The following SLITRK6 variants were observed in gnomAD, a reference collection of about 807,000 sequenced individuals.
The protein encoded by SLITRK6 is SLIT and NTRK-like protein 6.
SLITRK6 carries 35 observed loss-of-function variants against 55.6 expected under a neutral mutation model. The ratio of observed to expected loss-of-function variants is 0.63; its 90% CI spans 0.48 to 0.83. The LOEUF is 0.83. Among genes scored for constraint, SLITRK6 ranks in the 40% least tolerant of loss-of-function variants. The pLI is 0.00. For synonymous variants in SLITRK6, 392 were observed against 359.6 expected, an observed-to-expected ratio of 1.09 and a Z score of -1.02; for missense variants, 977 against 986.4, an observed-to-expected ratio of 0.99 and a Z score of 0.13.
rs752502501 is a variant in SLITRK6 at position 85,796,381 on chromosome 13, G to A, written c.128C>T (p.Thr43Ile). The part of the protein sequence containing the change: ...SLCNCEEKDG[T>I]MLINCEAKGI... ...TTTTGCTTCACAATTTATTAGCATT[G>A]TGCCATCTTTTTCCTCACAATTGCA... Residue 43 changes from threonine (T) to isoleucine (I), a missense_variant, in exon 2 of 2, where the codon ACA becomes ATA. Physicochemically the swap from Thr to Ile is moderately conservative, Grantham distance 89 (BLOSUM62 -1). Transcript: ENST00000647374. The A allele has an allele frequency of 1.2e-6, 2 of 1,612,498 alleles. No individual in the cohort carries two copies. The highest frequency in any genetic ancestry group is 1.7e-6 in the Non-Finnish European group (2 of 1,179,208).
chr13:85,797,039 ATG>A (rs34645313), intron 1 of SLITRK6, among the ~76,000 whole-genome samples: 1,927 of 151,756 alleles, frequency 0.013, 18 homozygotes, highest in Admixed American at 0.023. Context: ...GCATATGTGT[ATG>A]TGTGTATGCA....
At chr13:85,796,694 T>C (rs1362755748) in intron 1 of SLITRK6, among the ~76,000 whole-genome samples, 162 bp from the exon 2 acceptor site, 1 of 151,622 alleles carries the variant, frequency 6.6e-6, no homozygotes, top group Non-Finnish European at 1.5e-5. Context: ...TTTCTTTTTT[T>C]TTTTTCCTAA....
Position 85,795,665 on chromosome 13 carries a change from A to C in SLITRK6, c.844T>G (p.Ser282Ala). The change falls in exon 2 of 2, where the codon TCA (serine) becomes GCA (alanine). Residue 282 changes from serine to alanine, a missense_variant. Ser to Ala is a moderately conservative substitution (Grantham distance 99). Coordinates refer to ENST00000647374, the MANE Select transcript of SLITRK6 (RefSeq NM_032229.3). Reference protein sequence around the residue: ...VYEEHEDPSGSLHLAATSSIN... With the variant: ...VYEEHEDPSGALHLAATSSIN... ...GAAGATGTTGCTGCCAGATGTAATG[A>C]TCCTGAAGGATCCTCATGTTCTTCA... is the stretch of plus-strand genomic sequence containing the variant. The C allele has an allele frequency of 2.5e-6, 4 of 1,613,070 alleles. No homozygotes were observed. Among genetic ancestry groups the C allele is most frequent in the Non-Finnish European group, 3.4e-6 (4 of 1,179,440 alleles).
Position 85,794,913 on chromosome 13 carries a change from T to C in SLITRK6, c.1596A>G (p.Ile532Met). Residue 532 changes from isoleucine to methionine, a missense_variant, in exon 2 of 2, where the codon ATA (isoleucine) becomes ATG (methionine). Transcript: ENST00000647374. ...TCACTGTGTTCTTGCTTAACTTTTGTATCCATTGCTGCAGTCCAACCAGGT... is the reference window on the plus strand; with the variant it reads ...TCACTGTGTTCTTGCTTAACTTTTGCATCCATTGCTGCAGTCCAACCAGGT... ...SCDLVGLQQW[I>M]QKLSKNTVTD... 1.2e-6 allele frequency: 2 copies of C among 1,613,070 alleles called. No homozygotes were observed. The highest frequency in any genetic ancestry group is 1.7e-6 in the Non-Finnish European group (2 of 1,179,482).
At position 85,793,871 on chromosome 13, in the gene SLITRK6, A is replaced by G. The variant is rs770302426; in HGVS notation, c.*112T>C. The G allele has an allele frequency of 3.0e-5, 37 of 1,229,144 alleles. No individual in the cohort carries two copies. Among genetic ancestry groups the G allele is most frequent in the African/African-American group, 4.6e-5 (3 of 64,948 alleles). The allele number at this position is 1,229,144 out of a possible 1,614,324, so 76.1% of individuals were successfully genotyped here. A position where few individuals can be genotyped will look rare whatever the true frequency, so the allele number is the denominator to read the frequency against. On this transcript the variant is annotated 3_prime_UTR_variant, in exon 2 of 2. Transcript: ENST00000647374. The stretch of plus-strand genomic sequence containing the variant: ...TCTTCTTTTTTTTTCCCCATAGTTT[A>G]CTGCTGTGCTTAGGTTCTGATTGAT...
intron 1 of SLITRK6, among the ~76,000 whole-genome samples, chr13:85,798,359 T>G (rs1874783509): frequency 6.6e-6 from 1 of 151,982 alleles, no homozygotes; most frequent in Non-Finnish European, 1.5e-5. Flanking sequence ...AAACTCTTGT[T>G]ATTTTGTAAA....
Position 85,794,343 on chromosome 13 carries a change from C to G in SLITRK6, c.2166G>C (p.Leu722Phe), listed in dbSNP as rs1443635777. ...TGAGTGGTGAATGATTTTCCTGTTCCAAAAGACTTCTTTGGAGATGTTTTG... is the reference window on the plus strand; with the variant it reads ...TGAGTGGTGAATGATTTTCCTGTTCGAAAAGACTTCTTTGGAGATGTTTTG... ...SDAKHLQRSL[L>F]EQENHSPLTG... Residue 722 changes from leucine (L) to phenylalanine (F), a missense_variant, in exon 2 of 2, where the codon TTG becomes TTC. Leu to Phe is a conservative substitution (Grantham distance 22). Transcript: ENST00000647374. 1 of 1,613,058 alleles carries G rather than the reference C, an allele frequency of 6.2e-7. No homozygotes were observed. Among genetic ancestry groups the G allele is most frequent in the Non-Finnish European group, 8.5e-7 (1 of 1,179,520 alleles).
rs1487515569 is a variant in SLITRK6 at position 85,794,213 on chromosome 13, G to T, written c.2296C>A (p.Leu766Ile). 1.2e-6 allele frequency: 2 copies of T among 1,612,698 alleles called. No individual in the cohort carries two copies. Among genetic ancestry groups the T allele is most frequent in the East Asian group, 4.5e-5 (2 of 44,852 alleles). ...YRNILEKERE[L>I]QQLGITEYLR... The stretch of plus-strand genomic sequence containing the variant: ...TATTCTGTGATTCCCAGTTGCTGAA[G>T]TTCCCTTTCTTTTTCTAAAATGTTT... Residue 766 changes from leucine to isoleucine, a missense_variant, in exon 2 of 2, where the codon CTT (leucine) becomes ATT (isoleucine). By Grantham distance (5) the Leu-to-Ile change is conservative. Transcript: ENST00000647374.
rs545302869 is a variant in SLITRK6 at position 85,797,856 on chromosome 13, A to G, written c.-25+1058T>C. 2.5e-3 allele frequency among the ~76,000 whole-genome samples: 376 copies of G among 152,002 alleles called. 4 individuals carry two copies. The highest frequency in any genetic ancestry group is 5.2e-4 in the Non-Finnish European group (35 of 67,886). On this transcript the variant is annotated intron_variant, in intron 1 of 1. Transcript: ENST00000647374. Reference sequence around the variant, plus strand: ...TTTAAATATTATACTTTAAACTTATATAAACTAAATTGAAATATAAACACA... The same window carrying G: ...TTTAAATATTATACTTTAAACTTATGTAAACTAAATTGAAATATAAACACA...
rs1213291259 is a variant in SLITRK6 at position 85,794,898 on chromosome 13, C to T, written c.1611G>A (p.Lys537=). 2 of 1,613,012 alleles carry T rather than the reference C, an allele frequency of 1.2e-6. No individual in the cohort carries two copies. Among genetic ancestry groups the T allele is most frequent in the Non-Finnish European group, 1.7e-6 (2 of 1,179,482 alleles). ...AGAGGATGTCATCTGTCACTGTGTT[C>T]TTGCTTAACTTTTGTATCCATTGCT... The part of the protein sequence containing the change: ...GLQQWIQKLS[K]NTVTDDILCT... Residue 537 remains lysine, a synonymous_variant, in exon 2 of 2, where the codon AAG becomes AAA. Transcript: ENST00000647374.
rs1470559263 is a variant in SLITRK6, at chr13:85,794,303, T to C, written c.2206A>G (p.Lys736Glu). The change falls in exon 2 of 2, where the codon AAA (lysine) becomes GAA (glutamate). Residue 736 changes from lysine to glutamate, a missense_variant. Lys to Glu is a moderately conservative substitution (Grantham distance 56). Transcript: ENST00000647374. ...GTTGATTGGTTCGTGGTTTTGTATT[T>C]CATATTTGACCCTGTGAGTGGTGAA... ...NHSPLTGSNM[K>E]YKTTNQSTEF... 3.1e-6 allele frequency: 5 copies of C among 1,613,374 alleles called. No homozygotes were observed. The highest frequency in any genetic ancestry group is 4.2e-6 in the Non-Finnish European group (5 of 1,179,576).
Position 85,796,529 on chromosome 13 carries a change from G to A in SLITRK6, c.-21C>T, listed in dbSNP as rs1221655859. 7 of 1,502,786 alleles carry A rather than the reference G, an allele frequency of 4.7e-6. No individual in the cohort carries two copies. Among genetic ancestry groups the A allele is most frequent in the South Asian group, 1.4e-5 (1 of 70,476 alleles). 93.1% of individuals were successfully genotyped at this position (1,502,786 alleles called of 1,614,324 possible). On this transcript the variant is annotated 5_prime_UTR_variant, in exon 2 of 2. Coordinates refer to ENST00000647374, the MANE Select transcript of SLITRK6 (RefSeq NM_032229.3). ...TTCATGTTGTCATGTGATGAAATCC[G>A]ATTCTGTAAAATAAAACGCAATAGC...
In SLITRK6 at chr13:85,793,970, T is replaced by G; in HGVS notation, c.*13A>C. 1 of 1,574,228 alleles carries G rather than the reference T, an allele frequency of 6.4e-7. No individual in the cohort carries two copies. Among genetic ancestry groups the G allele is most frequent in the Non-Finnish European group, 8.6e-7 (1 of 1,162,568 alleles). The stretch of plus-strand genomic sequence containing the variant: ...AATCACAGCATTTCTGCGAAAGCCC[T>G]CAAACTCTCCATCTATGTTTGCTGC... On this transcript the variant is annotated 3_prime_UTR_variant, in exon 2 of 2. Coordinates refer to ENST00000647374, the MANE Select transcript of SLITRK6 (RefSeq NM_032229.3).
At chr13:85,798,475 T>TA (rs951348696) in intron 1 of SLITRK6, among the ~76,000 whole-genome samples, 13 of 152,036 alleles carry the variant, frequency 8.6e-5, no homozygotes, top group Non-Finnish European at 1.6e-4. Context: ...CAATATCTGA[T>TA]ACAGTGGTAA....
At chr13:85,796,654 A>T in intron 1 of SLITRK6, 122 bp from the exon 2 acceptor site, 4 of 695,644 alleles carry the variant, frequency 5.8e-6, no homozygotes, top group Non-Finnish European at 8.4e-6. Context: ...CCATGAAAAT[A>T]TGGGTACCTT....
chr13:85,796,981 C>T (rs35626195), intron 1 of SLITRK6, among the ~76,000 whole-genome samples: 1,929 of 151,558 alleles, frequency 0.013, 18 homozygotes, highest in Admixed American at 0.023. Flanking sequence ...TAGCCGTAAG[C>T]ATAGAGAACT....
Position 85,795,326 on chromosome 13 carries a change from C to T in SLITRK6, c.1183G>A (p.Gly395Arg). Residue 395 changes from glycine to arginine, a missense_variant, in exon 2 of 2, where the codon GGA becomes AGA. Physicochemically the swap from Gly to Arg is moderately radical, Grantham distance 125. Coordinates refer to ENST00000647374, the MANE Select transcript of SLITRK6 (RefSeq NM_032229.3). Reference sequence around the variant, plus strand: ...TCAAGAACTTCAATACGATTGTTTCCCAAGTGAAGCATTTCCAAAGTGAAA... The same window carrying T: ...TCAAGAACTTCAATACGATTGTTTCTCAAGTGAAGCATTTCCAAAGTGAAA... Reference protein sequence around the residue: ...EYFTLEMLHLGNNRIEVLEEG... With the variant: ...EYFTLEMLHLRNNRIEVLEEG... 2 of 1,612,584 alleles carry T rather than the reference C, an allele frequency of 1.2e-6. No homozygotes were observed. The highest frequency in any genetic ancestry group is 1.7e-6 in the Non-Finnish European group (2 of 1,179,302).
rs754068038 is a variant in SLITRK6 at position 85,794,127 on chromosome 13, G to A, written c.2382C>T (p.His794=). The change falls in exon 2 of 2, where the codon CAC becomes CAT. Residue 794 remains histidine, a synonymous_variant. Coordinates refer to ENST00000647374, the MANE Select transcript of SLITRK6 (RefSeq NM_032229.3). ...PDMEAHYPGA[H]EELKLMETLM... is the part of the protein sequence containing the mutation. ...ATGTTTCCATTAACTTCAGCTCTTC[G>A]TGGGCTCCAGGATAATGTGCCTCCA... The A allele has an allele frequency of 1.2e-5, 19 of 1,612,762 alleles. No individual in the cohort carries two copies. The highest frequency in any genetic ancestry group is 6.6e-5 in the South Asian group (6 of 91,042).
rs780371228 is a variant in SLITRK6 at position 85,794,050 on chromosome 13, T to C, written c.2459A>G (p.Tyr820Cys). 6.2e-7 allele frequency: 1 copy of C among 1,612,256 alleles called. No homozygotes were observed. The highest frequency in any genetic ancestry group is 1.7e-5 in the Admixed American group (1 of 59,708). ...KVLVEQTKNE[Y>C]FELKANLHAE... is the part of the protein sequence containing the mutation. ...ATGTAAATTAGCTTTAAGTTCAAAATACTCATTTTTTGTCTGTTCCACTAA... is the reference window on the plus strand; with the variant it reads ...ATGTAAATTAGCTTTAAGTTCAAAACACTCATTTTTTGTCTGTTCCACTAA... The change falls in exon 2 of 2, where the codon TAT becomes TGT. Residue 820 changes from tyrosine to cysteine, a missense_variant. Physicochemically the swap from Tyr to Cys is radical, Grantham distance 194. Transcript: ENST00000647374.
Sources: gnomAD v4.1 joint callset for allele counts (sites outside exome capture counted in the v4.1 genomes callset) on GRCh38, gnomAD v4.1.1 for gene constraint, MANE v1.5 for transcripts, NCBI Gene and HGNC (gene_info 2026-07-23, HGNC 2026-07-21) for gene names.